Variants in RALGAPA2 observed in about 807,000 individuals in gnomAD.
RALGAPA2 encodes Ral GTPase activating protein catalytic subunit alpha 2.
RALGAPA2 carries 139 observed loss-of-function variants against 230.4 expected under a neutral mutation model. The observed-to-expected ratio is 0.60, with a 90% confidence interval of 0.53 to 0.69. The LOEUF is 0.69. RALGAPA2 is among the 30% of genes least tolerant of loss of function. The pLI is 0.00. For synonymous variants in RALGAPA2, 847 were observed against 837.8 expected (o/e 1.01, Z -0.19); for missense variants, 2,163 against 2,276.0 (o/e 0.95, Z 1.01).
chr20:20,440,444 G>C (rs1288992756), intron 37 of RALGAPA2, among the ~76,000 whole-genome samples: 1 of 152,134 alleles, frequency 6.6e-6, no homozygotes, highest in African/African-American at 2.4e-5. Context: ...AATAGGCCTA[G>C]GCTTTGTACA....
chr20:20,480,015 A>C (rs969651783), intron 36 of RALGAPA2, among the ~76,000 whole-genome samples: 2 of 152,224 alleles, frequency 1.3e-5, no homozygotes, highest in Non-Finnish European at 2.9e-5. Flanking sequence ...CAACAGCATA[A>C]AAATATAAAA....
chr20:20,486,944 C>T (rs2061927586), intron 36 of RALGAPA2, among the ~76,000 whole-genome samples: 1 of 152,178 alleles, frequency 6.6e-6, no homozygotes, highest in African/African-American at 2.4e-5. Flanking sequence ...GTGCCTATCT[C>T]TCTACTTACA....
chr20:20,412,247 A>G, intron 37 of RALGAPA2, 99 bp from the exon 38 acceptor site: 1 of 1,473,720 alleles, frequency 6.8e-7, no homozygotes, highest in East Asian at 2.3e-5. Context: ...TTTTCTGTGT[A>G]AAAAAGTATC....
chr20:20,667,858 A>C (rs897036360), intron 3 of RALGAPA2, among the ~76,000 whole-genome samples: 2 of 152,230 alleles, frequency 1.3e-5, no homozygotes, highest in African/African-American at 4.8e-5. Context: ...GCATGAAAAC[A>C]GTAGAATGAC....
chr20:20,463,262 T>A (rs2061344515), intron 37 of RALGAPA2, among the ~76,000 whole-genome samples: 1 of 152,124 alleles, frequency 6.6e-6, no homozygotes, highest in Admixed American at 6.5e-5. Flanking sequence ...AATTAACTAT[T>A]TAAGAGAGAA....
chr20:20,498,191 G>A (rs1224962043), intron 35 of RALGAPA2, among the ~76,000 whole-genome samples: 1 of 152,126 alleles, frequency 6.6e-6, no homozygotes, highest in Non-Finnish European at 1.5e-5. Flanking sequence ...AGTTCGGTGA[G>A]TGCACACAAG....
chr20:20,705,172 T>C (rs1264254419), intron 1 of RALGAPA2, among the ~76,000 whole-genome samples: 1 of 152,234 alleles, frequency 6.6e-6, no homozygotes, highest in African/African-American at 2.4e-5. Context: ...ATATCAGGCA[T>C]GCACTCACAC....
At chr20:20,436,251 C>A (rs1017060541) in intron 37 of RALGAPA2, among the ~76,000 whole-genome samples, 1 of 152,158 alleles carries the variant, frequency 6.6e-6, no homozygotes, top group Non-Finnish European at 1.5e-5. Flanking sequence ...AAATAAAACC[C>A]CACGAAGAAA....
chr20:20,637,287 A>T, intron 8 of RALGAPA2, 76 bp downstream of exon 8: 1 of 1,204,084 alleles, frequency 8.3e-7, no homozygotes, highest in East Asian at 2.7e-5. Flanking sequence ...ACTTTAAAAT[A>T]ATCAAAGGTC....
intron 13 of RALGAPA2, 108 bp downstream of exon 13, chr20:20,615,935 T>C (rs759912947): frequency 1.0e-5 from 9 of 882,936 alleles, no homozygotes; most frequent in Non-Finnish European, 1.4e-5. Flanking sequence ...AGACATTTTG[T>C]TGTTAAGTTC....
intron 38 of RALGAPA2, among the ~76,000 whole-genome samples, chr20:20,406,795 C>A (rs979270965): frequency 9.9e-5 from 15 of 152,088 alleles, no homozygotes; most frequent in Non-Finnish European, 1.8e-4. Flanking sequence ...GCCTGTAGTT[C>A]CAGCTACTCA....
intron 35 of RALGAPA2, among the ~76,000 whole-genome samples, chr20:20,500,146 T>C (rs1460307927): frequency 1.9e-4 from 29 of 152,208 alleles, no homozygotes. Flanking sequence ...GCCTTGATGT[T>C]GTTGGTTGCT....
intron 14 of RALGAPA2, among the ~76,000 whole-genome samples, chr20:20,606,929 A>G (rs1360142265): frequency 1.3e-5 from 2 of 152,216 alleles, no homozygotes; most frequent in Non-Finnish European, 2.9e-5. Flanking sequence ...GTGCCTCTAC[A>G]TAGCCAAGTC....
intron 3 of RALGAPA2, among the ~76,000 whole-genome samples, chr20:20,673,233 T>C (rs1370092899): frequency 6.8e-6 from 1 of 146,390 alleles, no homozygotes; most frequent in Non-Finnish European, 1.5e-5. Flanking sequence ...TTTAAAAAAA[T>C]GAAAAAAAAG....
At chr20:20,394,237 G>A (rs2059658570) in intron 39 of RALGAPA2, among the ~76,000 whole-genome samples, 1 of 151,986 alleles carries the variant, frequency 6.6e-6, no homozygotes, top group Non-Finnish European at 1.5e-5. Context: ...ATCAATACTT[G>A]CAAACGTGCT....
intron 1 of RALGAPA2, among the ~76,000 whole-genome samples, chr20:20,699,904 T>G (rs2069273855): frequency 6.6e-6 from 1 of 152,166 alleles, no homozygotes; most frequent in African/African-American, 2.4e-5. Flanking sequence ...TTTGAGTTTC[T>G]CAAAGAACTT....
At chr20:20,524,038 A>G (rs906708665) in intron 30 of RALGAPA2, among the ~76,000 whole-genome samples, 1 of 151,408 alleles carries the variant, frequency 6.6e-6, no homozygotes, top group Non-Finnish European at 1.5e-5. Flanking sequence ...CTCACTGCAA[A>G]CTCTGCCTCC....
In RALGAPA2 at chr20:20,536,776, A is replaced by C; in HGVS notation, c.3294T>G (p.Arg1098=). Residue 1098 remains arginine (R), a synonymous_variant, in exon 25 of 40, where the codon CGT becomes CGG. Coordinates refer to ENST00000202677, the MANE Select transcript of RALGAPA2 (RefSeq NM_020343.4). ...VLSTDILTAP[R]SEAVTVLGSL... is the part of the protein sequence containing the mutation. ...AGCCGAGGACAGTGACAGCCTCTGA[A>C]CGAGGCGCCTGCACATAAGGAAGAG... 4 of 1,611,844 alleles carry C rather than the reference A, an allele frequency of 2.5e-6. No individual in the cohort carries two copies. Among genetic ancestry groups the C allele is most frequent in the Non-Finnish European group, 3.4e-6 (4 of 1,178,390 alleles).
chr20:20,423,813 T>C (rs1246521600), intron 37 of RALGAPA2, among the ~76,000 whole-genome samples: 2 of 152,194 alleles, frequency 1.3e-5, no homozygotes, highest in African/African-American at 4.8e-5. Flanking sequence ...ATAAAATGGA[T>C]GTTTTGGAAA....
Sources: allele counts gnomAD v4.1 joint callset (sites outside exome capture counted in the v4.1 genomes callset), GRCh38; gene constraint gnomAD v4.1.1; transcripts MANE v1.5; gene names NCBI Gene and HGNC (gene_info 2026-07-23, HGNC 2026-07-21).